PWWP2A: variants seen among roughly 807,000 people sequenced by gnomAD.
The protein encoded by PWWP2A is PWWP domain containing 2A, also known as PWWP domain-containing protein 2A.
PWWP2A carries 18 observed loss-of-function variants against 48.5 expected under a neutral mutation model. The ratio of observed to expected loss-of-function variants is 0.37; its 90% CI spans 0.26 to 0.55. The LOEUF (loss-of-function observed/expected upper bound fraction) is 0.55, where lower values mean the gene tolerates loss of function less well. PWWP2A is among the 20% of genes least tolerant of loss of function. PWWP2A has a pLI of 0.81. For missense variants in PWWP2A, 867 were observed against 976.4 expected (o/e 0.89, Z 1.49); for synonymous variants, 396 against 387.7 (o/e 1.02, Z -0.25).
At chr5:160,063,239 T>TC (rs113638818) in intron 5 of PWWP2A, among the ~76,000 whole-genome samples, 1 of 151,962 alleles carries the variant, frequency 6.6e-6, no homozygotes, top group Non-Finnish European at 1.5e-5. Flanking sequence ...AGGCCATGCG[T>TC]TTTTTTTGCT....
chr5:160,086,338 G>C lies in PWWP2A; in HGVS notation c.1550-5568C>G, dbSNP rs1409964748. Among the ~76,000 whole-genome samples the C allele has an allele frequency of 2.0e-5, 3 of 151,916 alleles. No homozygotes were observed. The East Asian group carries it at 5.8e-4, about 29-fold the overall frequency. ...GTTCAAGACCAGCCTGGGCAACATA[G>C]TGTGACCCTGTCTCTATAAATAATT... On this transcript the variant is annotated intron_variant, in intron 2 of 3. Transcript: ENST00000456329.
downstream of PWWP2A, among the ~76,000 whole-genome samples, chr5:160,059,687 G>T (rs142349546): frequency 1.4e-3 from 212 of 152,332 alleles, 2 homozygotes; most frequent in African/African-American, 4.8e-3. Context: ...GGAGCAGTCA[G>T]AACATGCACC....
chr5:160,073,699 G>A (rs1753798354), downstream of PWWP2A, among the ~76,000 whole-genome samples: 1 of 152,092 alleles, frequency 6.6e-6, no homozygotes, highest in African/African-American at 2.4e-5. Context: ...CAGTTTTCCT[G>A]AATCATACTC....
chr5:160,059,407 G>A (rs988434191), downstream of PWWP2A, among the ~76,000 whole-genome samples: 5 of 152,318 alleles, frequency 3.3e-5, no homozygotes, highest in East Asian at 5.8e-4. Flanking sequence ...GTAATCCAAG[G>A]CTTTGGCTTA....
intron 2 of PWWP2A, among the ~76,000 whole-genome samples, chr5:160,085,861 C>T (rs1754595894): frequency 6.6e-6 from 1 of 151,286 alleles, no homozygotes; most frequent in Non-Finnish European, 1.5e-5. Flanking sequence ...CTCTGTCATC[C>T]AGGCTGGAAT....
Position 160,092,481 on chromosome 5 carries a change from C to G in PWWP2A, c.2169G>C (p.Lys723Asn). The change falls in exon 2 of 2, where the codon AAG becomes AAC. Residue 723 changes from lysine (K) to asparagine (N), a missense_variant. Around this residue, in one of 4 missense-constraint regions of PWWP2A, gnomAD observed 97 missense variants for 151.7 expected, o/e 0.64. Coordinates refer to ENST00000307063, the MANE Select transcript of PWWP2A (RefSeq NM_001130864.2). ...TAGCCTTGCGATACAGGCCCTTTCT[C>G]TTCTTATTAAAGCGTGACTGGAAGT... is the stretch of plus-strand genomic sequence containing the variant. ...LENFQSRFNK[K>N]RKGLYRKAIT... The G allele has an allele frequency of 6.4e-7, 1 of 1,551,670 alleles. No individual in the cohort carries two copies. Among genetic ancestry groups the G allele is most frequent in the Non-Finnish European group, 8.7e-7 (1 of 1,146,992 alleles).
chr5:160,047,667 C>T, the PWWP2A span, among the ~76,000 whole-genome samples: 1 of 152,104 alleles, frequency 6.6e-6, no homozygotes, highest in East Asian at 1.9e-4. Context: ...AACTCCTTTC[C>T]CTGGCCAGGA....
chr5:160,056,081 C>G, the PWWP2A span, among the ~76,000 whole-genome samples: 2 of 152,200 alleles, frequency 1.3e-5, no homozygotes, highest in African/African-American at 4.8e-5. Context: ...CCATGCTCTT[C>G]CTAACTTAAC....
At chr5:160,045,103 T>G in the PWWP2A span, among the ~76,000 whole-genome samples, 1 of 152,138 alleles carries the variant, frequency 6.6e-6, no homozygotes. Flanking sequence ...AAGTTTAAAT[T>G]AGGAACAAGC....
the PWWP2A span, among the ~76,000 whole-genome samples, chr5:160,048,126 C>CTTTTTTTTTT: frequency 5.6e-5 from 2 of 35,570 alleles, no homozygotes; most frequent in Admixed American, 5.1e-4. Context: ...CAAGACATTG[C>CTTTTTTTTTT]TTTTTTTTTT....
chr5:160,073,004 C>CAAAAAAAAAAAAA (rs35836307), downstream of PWWP2A, among the ~76,000 whole-genome samples: 9 of 58,858 alleles, frequency 1.5e-4, no homozygotes, highest in African/African-American at 6.0e-4. Context: ...GGCTCCGTCT[C>CAAAAAAAAAAAAA]AAAAAAAAAA....
chr5:160,056,660 C>T, the PWWP2A span, among the ~76,000 whole-genome samples: 5 of 152,272 alleles, frequency 3.3e-5, no homozygotes, highest in Non-Finnish European at 7.4e-5. Flanking sequence ...GAGATCAAAG[C>T]TGCAGTGAGC....
intron 4 of PWWP2A, among the ~76,000 whole-genome samples, chr5:160,066,295 C>CTTTTTTTTTTTTTTTTTTTTTTTT (rs748083955): frequency 3.4e-5 from 2 of 57,984 alleles, no homozygotes; most frequent in African/African-American, 1.1e-4. Flanking sequence ...AAGTGGTTCT[C>CTTTTTTTTTTTTTTTTTTTTTTTT]ATTTTTTTTT....
In PWWP2A at chr5:160,109,774, AATAT is replaced by A. The variant is rs1223846862; in HGVS notation, c.584+9027_584+9030del. 6.4e-3 allele frequency among the ~76,000 whole-genome samples: 162 copies of A among 25,148 alleles called. 2 individuals are homozygous for A. Among genetic ancestry groups the A allele is most frequent in the East Asian group, 0.023 (16 of 692 alleles). The allele number at this position is 25,148 out of a possible 152,430, so 16.5% of individuals were successfully genotyped here. ...GCAACTGGGAAAAAAAAAAAAAAAAAATATATATATATATATATATATATATATA... is the reference window on the plus strand; with the variant it reads ...GCAACTGGGAAAAAAAAAAAAAAAAAATATATATATATATATATATATATA... On this transcript the variant is annotated intron_variant, in intron 1 of 1. Coordinates refer to ENST00000307063, the MANE Select transcript of PWWP2A (RefSeq NM_001130864.2).
At chr5:160,110,972 CAAAA>C (rs1195225635) in intron 1 of PWWP2A, among the ~76,000 whole-genome samples, 2 of 54,126 alleles carry the variant, frequency 3.7e-5, no homozygotes, top group Admixed American at 2.1e-4. Flanking sequence ...GACTCTGTCT[CAAAA>C]AAAAAAAAAA....
At chr5:160,116,033 G>A (rs1758103536) in intron 1 of PWWP2A, among the ~76,000 whole-genome samples, 1 of 151,040 alleles carries the variant, frequency 6.6e-6, no homozygotes, top group Non-Finnish European at 1.5e-5. Flanking sequence ...TCCTTGAATT[G>A]CTAAATTTTA....
intron 1 of PWWP2A, among the ~76,000 whole-genome samples, chr5:160,104,345 C>G (rs915004834): frequency 6.6e-6 from 1 of 151,088 alleles, no homozygotes; most frequent in South Asian, 2.1e-4. Context: ...GTGAAAGGAT[C>G]GCTTGAGCCC....
chr5:160,106,901 G>A lies in PWWP2A; in HGVS notation c.584+11904C>T, dbSNP rs188321803. ...GTGCAGTGGGGAGATCTCAGCTCAC[G>A]CAACCTTCACCTCCCAGGCTCAAGT... On this transcript the variant is annotated intron_variant, in intron 1 of 1. Transcript: ENST00000307063. 5.0e-3 allele frequency among the ~76,000 whole-genome samples: 687 copies of A among 137,908 alleles called. 1 individual carries two copies. The highest frequency in any genetic ancestry group is 0.015 in the South Asian group (63 of 4,246). The allele number at this position is 137,908 out of a possible 152,430, so 90.5% of individuals were successfully genotyped here.
At chr5:160,105,734 C>A in intron 1 of PWWP2A, 1 of 595,684 alleles carries the variant, frequency 1.7e-6, no homozygotes, top group Non-Finnish European at 2.1e-6. Flanking sequence ...AAGATCGCAC[C>A]ACTGCACTCC....
Sources: gnomAD v4.1 joint callset for allele counts (sites outside exome capture counted in the v4.1 genomes callset) on GRCh38, gnomAD v4.1.1 for gene constraint, gnomAD v4.1.1 regional missense constraint, MANE v1.5 for transcripts, NCBI Gene and HGNC (gene_info 2026-07-23, HGNC 2026-07-21) for gene names.